The following RBFOX1 variants were observed in gnomAD, a reference collection of about 807,000 sequenced individuals.
RBFOX1 encodes the protein RNA binding protein fox-1 homolog 1.
Under a neutral mutation model 57.7 loss-of-function variants are expected in RBFOX1, and 8 were observed. The ratio of observed to expected loss-of-function variants is 0.14; its 90% CI spans 0.08 to 0.25. The LOEUF (loss-of-function observed/expected upper bound fraction) is 0.25, where lower values mean the gene tolerates loss of function less well. Among genes scored for constraint, RBFOX1 ranks in the 10% least tolerant of loss-of-function variants. RBFOX1 has a pLI of 1.00. For missense variants in RBFOX1, 611 were observed against 548.5 expected (o/e 1.11, Z -1.14); for synonymous variants, 326 against 222.4 (o/e 1.47, Z -4.15).
chr16:6,453,000 A>G (rs1049107385), intron 2 of RBFOX1, among the ~76,000 whole-genome samples: 1 of 152,200 alleles, frequency 6.6e-6, no homozygotes, highest in African/African-American at 2.4e-5. Context: ...GCAACACTGC[A>G]GGCAATTAAA....
chr16:5,761,032 G>A (rs540487300), intron 3 of RBFOX1, among the ~76,000 whole-genome samples: 3 of 152,222 alleles, frequency 2.0e-5, no homozygotes, highest in Non-Finnish European at 4.4e-5. Context: ...GTAATTGATA[G>A]GATGGTGGCC....
chr16:5,320,352 C>T (rs1411304508), intron 1 of RBFOX1, among the ~76,000 whole-genome samples: 1 of 152,174 alleles, frequency 6.6e-6, no homozygotes, highest in Non-Finnish European at 1.5e-5. Flanking sequence ...GGGTATGGAT[C>T]AGGGTACTCC....
At chr16:7,104,400 GC>G (rs1347430596) in intron 4 of RBFOX1, among the ~76,000 whole-genome samples, 1 of 152,104 alleles carries the variant, frequency 6.6e-6, no homozygotes, top group Non-Finnish European at 1.5e-5. Flanking sequence ...AGGACAGTAT[GC>G]CCCTCTGATT....
At chr16:5,357,523 C>G (rs1049055838) in intron 1 of RBFOX1, among the ~76,000 whole-genome samples, 6 of 152,188 alleles carry the variant, frequency 3.9e-5, no homozygotes, top group Admixed American at 1.3e-4. Context: ...GAATGGATCT[C>G]AAAGGTTAAT....
chr16:5,293,832 C>G (rs1484749206), intron 1 of RBFOX1, among the ~76,000 whole-genome samples: 1 of 151,998 alleles, frequency 6.6e-6, no homozygotes, highest in Admixed American at 6.6e-5. Context: ...AAATGTTTTG[C>G]AACTAGACAG....
chr16:6,735,770 G>T (rs1279786886), intron 3 of RBFOX1, among the ~76,000 whole-genome samples: 3 of 152,192 alleles, frequency 2.0e-5, no homozygotes, highest in Non-Finnish European at 2.9e-5. Context: ...AGTGGCATGG[G>T]TGGTGATCTG....
At chr16:5,906,674 G>A (rs2058464260) in intron 4 of RBFOX1, among the ~76,000 whole-genome samples, 1 of 148,592 alleles carries the variant, frequency 6.7e-6, no homozygotes, top group African/African-American at 2.5e-5. Flanking sequence ...TGGCTGCTGA[G>A]TGTTGTCGCT....
At chr16:6,086,349 C>T (rs1376422028) in intron 1 of RBFOX1, among the ~76,000 whole-genome samples, 1 of 152,166 alleles carries the variant, frequency 6.6e-6, no homozygotes, top group African/African-American at 2.4e-5. Context: ...CCATCTCTCA[C>T]ATTTTTCATG....
intron 3 of RBFOX1, among the ~76,000 whole-genome samples, chr16:5,740,882 T>G (rs1312119430): frequency 6.6e-6 from 1 of 152,136 alleles, no homozygotes; most frequent in Non-Finnish European, 1.5e-5. Context: ...ATGACCATGG[T>G]GGCAGGGAAC....
chr16:7,056,387 G>C (rs1388214300), intron 4 of RBFOX1, among the ~76,000 whole-genome samples: 3 of 152,134 alleles, frequency 2.0e-5, no homozygotes, highest in African/African-American at 7.2e-5. Context: ...GGATTCTTCT[G>C]GGGACATGGT....
At chr16:6,664,277 T>G (rs2098718809) in intron 3 of RBFOX1, among the ~76,000 whole-genome samples, 1 of 152,194 alleles carries the variant, frequency 6.6e-6, no homozygotes, top group Non-Finnish European at 1.5e-5. Context: ...CCTAAAACTG[T>G]CAATCATCTT....
intron 3 of RBFOX1, among the ~76,000 whole-genome samples, chr16:5,676,196 A>G (rs1248325700): frequency 1.3e-5 from 2 of 152,164 alleles, no homozygotes; most frequent in African/African-American, 4.8e-5. Flanking sequence ...ACCATGGCAC[A>G]TGTATACCTA....
chr16:5,856,183 C>A (rs187742441), intron 3 of RBFOX1, among the ~76,000 whole-genome samples: 3,020 of 45,344 alleles, frequency 0.067, 100 homozygotes, highest in African/African-American at 0.086. Context: ...CTCTCTCTCT[C>A]TCTCTATATA....
At chr16:5,433,945 A>G (rs2067832376) in intron 1 of RBFOX1, among the ~76,000 whole-genome samples, 1 of 152,084 alleles carries the variant, frequency 6.6e-6, no homozygotes, top group Admixed American at 6.6e-5. Context: ...TTCTCAGTCC[A>G]GGCTGCATGT....
intron 1 of RBFOX1, among the ~76,000 whole-genome samples, chr16:5,380,816 C>T (rs2066111932): frequency 6.6e-6 from 1 of 152,138 alleles, no homozygotes; most frequent in Non-Finnish European, 1.5e-5. Context: ...TGCTTTGTGC[C>T]CTATGCACTT....
chr16:7,488,554 A>G (rs2066033297), intron 4 of RBFOX1, among the ~76,000 whole-genome samples: 1 of 146,066 alleles, frequency 6.8e-6, no homozygotes. Context: ...CTATACATAC[A>G]TCAATCCATC....
At chr16:6,966,878 T>A (rs2084342184) in intron 3 of RBFOX1, among the ~76,000 whole-genome samples, 1 of 145,260 alleles carries the variant, frequency 6.9e-6, no homozygotes, top group Non-Finnish European at 1.5e-5. Context: ...TATCCATGTA[T>A]CCATCTATTC....
chr16:7,633,742 C>A (rs1000321207), intron 11 of RBFOX1, among the ~76,000 whole-genome samples: 1 of 152,092 alleles, frequency 6.6e-6, no homozygotes, highest in African/African-American at 2.4e-5. Context: ...GCAGAGGGGC[C>A]TTCAGTTATT....
At chr16:5,948,060 G>A (rs1743747119) in intron 4 of RBFOX1, among the ~76,000 whole-genome samples, 1 of 152,182 alleles carries the variant, frequency 6.6e-6, no homozygotes, top group Non-Finnish European at 1.5e-5. Flanking sequence ...AGAGGCAGGT[G>A]CACAAGGGTG....
Sources: gnomAD v4.1 joint callset for allele counts (sites outside exome capture counted in the v4.1 genomes callset) on GRCh38, gnomAD v4.1.1 for gene constraint, MANE v1.5 for transcripts, NCBI Gene and HGNC (gene_info 2026-07-23, HGNC 2026-07-21) for gene names.